The following NECAB1 variants were observed in gnomAD, a reference collection of about 807,000 sequenced individuals.
NECAB1 encodes the protein N-terminal EF-hand calcium-binding protein 1.
In NECAB1, 29 loss-of-function variants were observed where a neutral mutation model predicts 57.5. The observed-to-expected ratio is 0.50, with a 90% CI of 0.38 to 0.69. The LOEUF is 0.69. Ranked by LOEUF, NECAB1 falls within the 30% of genes least tolerant of loss-of-function variation. The pLI, the probability that NECAB1 is intolerant of heterozygous loss-of-function variation, is 0.00. For missense variants in NECAB1, 372 were observed against 413.8 expected, an observed-to-expected ratio of 0.90 and a Z score of 0.88; for synonymous variants, 142 against 147.7, an observed-to-expected ratio of 0.96 and a Z score of 0.28.
intron 2 of NECAB1, among the ~76,000 whole-genome samples, chr8:90,803,968 T>C (rs1305851358): frequency 2.0e-5 from 3 of 152,152 alleles, no homozygotes; most frequent in African/African-American, 7.2e-5. Flanking sequence ...TTGGACAAAT[T>C]AGCACAATTG....
At chr8:90,947,303 T>TACACACACACACACACACAC (rs71771328) in intron 10 of NECAB1, among the ~76,000 whole-genome samples, 9 of 78,298 alleles carry the variant, frequency 1.1e-4, no homozygotes, top group East Asian at 8.6e-4. Flanking sequence ...TAACAACACA[T>TACACACACACACACACACAC]ACACACACAC....
chr8:90,878,982 C>T (rs1808780521), intron 4 of NECAB1, among the ~76,000 whole-genome samples: 1 of 142,736 alleles, frequency 7.0e-6, no homozygotes, highest in Non-Finnish European at 1.5e-5. Context: ...CTCTCTCTCT[C>T]TACATATATT....
At chr8:90,864,792 G>T (rs142032747) in intron 3 of NECAB1, among the ~76,000 whole-genome samples, 1 of 152,070 alleles carries the variant, frequency 6.6e-6, no homozygotes, top group Non-Finnish European at 1.5e-5. Flanking sequence ...TTTTGATGGC[G>T]CATGGCTTAT....
intron 10 of NECAB1, among the ~76,000 whole-genome samples, chr8:90,943,024 G>C (rs1408167494): frequency 6.6e-6 from 1 of 151,052 alleles, no homozygotes; most frequent in Admixed American, 6.6e-5. Context: ...TCCAGGGATT[G>C]AGTGCATGTT....
chr8:90,801,411 AGTT>A (rs1377911700), intron 1 of NECAB1, among the ~76,000 whole-genome samples: 1 of 152,252 alleles, frequency 6.6e-6, no homozygotes, highest in Non-Finnish European at 1.5e-5. Context: ...GTTCTATCCA[AGTT>A]GTTGTGTGTA....
intron 1 of NECAB1, among the ~76,000 whole-genome samples, chr8:90,795,779 G>A (rs1293532372): frequency 6.6e-6 from 1 of 151,584 alleles, no homozygotes; most frequent in Admixed American, 6.6e-5. Flanking sequence ...TCAGAGGATG[G>A]CAGTTAACCC....
chr8:90,917,172 C>T (rs570215859), intron 5 of NECAB1, among the ~76,000 whole-genome samples: 2 of 152,190 alleles, frequency 1.3e-5, no homozygotes, highest in East Asian at 3.9e-4. Context: ...CTTCCCCCTC[C>T]GCCACCGGAT....
chr8:90,860,591 T>C (rs950968439), intron 3 of NECAB1, among the ~76,000 whole-genome samples: 1 of 152,160 alleles, frequency 6.6e-6, no homozygotes, highest in Admixed American at 6.6e-5. Flanking sequence ...TCTGCGTAAG[T>C]ATATATTCAG....
At chr8:90,863,839 T>C (rs1808455809) in intron 3 of NECAB1, among the ~76,000 whole-genome samples, 1 of 152,220 alleles carries the variant, frequency 6.6e-6, no homozygotes, top group Middle Eastern at 3.4e-3. Flanking sequence ...CTACCAGAAA[T>C]AGAAGCTAGT....
chr8:90,915,619 T>C lies in NECAB1; in HGVS notation c.358-1873T>C, dbSNP rs1239100518. On this transcript the variant is annotated intron_variant, in intron 5 of 12. Transcript: ENST00000417640. ...AGAAATAATAGGATAGATGTTTATA[T>C]GAAGGGAGTTTATTAAGGATAATTG... Among the ~76,000 whole-genome samples, 9 of 152,304 alleles carry C rather than the reference T, an allele frequency of 5.9e-5. No homozygotes were observed. The East Asian group carries it at 1.7e-3, about 29-fold the overall frequency.
intron 10 of NECAB1, among the ~76,000 whole-genome samples, chr8:90,949,135 C>G (rs959964782): frequency 1.4e-5 from 2 of 146,706 alleles, no homozygotes; most frequent in Non-Finnish European, 3.0e-5. Context: ...CATCCAGAGA[C>G]AACAGGCACT....
intron 10 of NECAB1, among the ~76,000 whole-genome samples, chr8:90,946,498 A>G (rs530540760): frequency 6.6e-6 from 1 of 152,354 alleles, no homozygotes; most frequent in African/African-American, 2.4e-5. Flanking sequence ...AATGCTTGCA[A>G]CTGCAATCTA....
At chr8:90,809,238 C>A (rs1249968973) in intron 2 of NECAB1, among the ~76,000 whole-genome samples, 1 of 152,192 alleles carries the variant, frequency 6.6e-6, no homozygotes, top group Non-Finnish European at 1.5e-5. Context: ...ACCAAGCAAC[C>A]CTTGTTCCAA....
At chr8:90,940,736 A>G in intron 9 of NECAB1, 50 bp from the exon 10 acceptor site, 1 of 1,418,508 alleles carries the variant, frequency 7.0e-7, no homozygotes, top group South Asian at 1.2e-5. Context: ...GTCAGCTTAA[A>G]TCGGGCTCCG....
intron 5 of NECAB1, among the ~76,000 whole-genome samples, chr8:90,902,970 C>T (rs867224569): frequency 4.6e-5 from 7 of 151,868 alleles, no homozygotes; most frequent in Middle Eastern, 3.4e-3. Flanking sequence ...TTATATTCAA[C>T]AATATGAGAT....
intron 3 of NECAB1, among the ~76,000 whole-genome samples, chr8:90,867,711 A>G (rs566619292): frequency 5.3e-5 from 8 of 152,362 alleles, no homozygotes; most frequent in South Asian, 2.1e-4. Context: ...AAATTATACA[A>G]TGATAAATGC....
intron 5 of NECAB1, among the ~76,000 whole-genome samples, chr8:90,898,055 ATCT>A (rs1371294914): frequency 1.3e-5 from 2 of 152,196 alleles, no homozygotes; most frequent in African/African-American, 4.8e-5. Context: ...TATAGCCTGT[ATCT>A]TCTTTGGAGG....
At chr8:90,884,287 G>A (rs184615163) in intron 5 of NECAB1, among the ~76,000 whole-genome samples, 1 of 152,202 alleles carries the variant, frequency 6.6e-6, no homozygotes, top group Admixed American at 6.5e-5. Context: ...GTTGATTTTA[G>A]CATCTACAGA....
chr8:90,866,558 G>T (rs992422781), intron 3 of NECAB1, among the ~76,000 whole-genome samples: 10 of 152,130 alleles, frequency 6.6e-5, no homozygotes, highest in Admixed American at 2.6e-4. Flanking sequence ...TCATAATTAG[G>T]TTCACAGTGT....
Sources: allele counts gnomAD v4.1 joint callset (sites outside exome capture counted in the v4.1 genomes callset), GRCh38; gene constraint gnomAD v4.1.1; transcripts MANE v1.5; gene names NCBI Gene and HGNC (gene_info 2026-07-23, HGNC 2026-07-21).